ANKRD31: variants seen among roughly 807,000 people sequenced by gnomAD.
ANKRD31 encodes ankyrin repeat domain 31.
ANKRD31 carries 147 observed loss-of-function variants against 186.0 expected under a neutral mutation model. The ratio of observed to expected loss-of-function variants is 0.79; its 90% CI spans 0.69 to 0.91. ANKRD31 has a LOEUF of 0.91. Among genes scored for constraint, ANKRD31 ranks in the 40% least tolerant of loss-of-function variants. ANKRD31 has a pLI of 0.00. For missense variants in ANKRD31, 1,986 were observed against 2,148.8 expected (o/e 0.92, Z 1.50); for synonymous variants, 673 against 736.4 (o/e 0.91, Z 1.39).
In ANKRD31 at chr5:75,080,745, T is replaced by C. The variant is rs965283629; in HGVS notation, c.5576-106A>G. ...ACCGATGGGAAATACAAATAGCTCT[T>C]CCTTGACATTTTAGGAGAGATGATT... On this transcript the variant is annotated intron_variant, in intron 24 of 25. Coordinates refer to ENST00000506364, the MANE Select transcript of ANKRD31 (RefSeq NM_001372053.1). 5 of 601,858 alleles carry C rather than the reference T, an allele frequency of 8.3e-6. No individual in the cohort carries two copies. In the African/African-American group the frequency reaches 9.5e-5, roughly 11 times the overall value. 37.3% of individuals were successfully genotyped at this position (601,858 alleles called of 1,614,324 possible).
At position 75,105,090 on chromosome 5, in the gene ANKRD31, C is replaced by T. The variant is rs2150058695; in HGVS notation, c.4469G>A (p.Arg1490Lys). 6.5e-7 allele frequency: 1 copy of T among 1,536,984 alleles called. No homozygotes were observed. Among genetic ancestry groups the T allele is most frequent in the Non-Finnish European group, 8.7e-7 (1 of 1,146,836 alleles). ...AAGACAAGGCAATGATGTAACATTC[C>T]TACAGTTTTGAATTTTCAGGCTTAT... ...KKISLKIQNC[R>K]NVTSLPCLSL... Residue 1490 changes from arginine (R) to lysine (K), a missense_variant, in exon 22 of 26, where the codon AGG (arginine) becomes AAG (lysine). Physicochemically the swap from Arg to Lys is conservative, Grantham distance 26. Coordinates refer to ENST00000506364, the MANE Select transcript of ANKRD31 (RefSeq NM_001372053.1).
intron 17 of ANKRD31, among the ~76,000 whole-genome samples, chr5:75,130,726 G>A (rs1005817129): frequency 1.3e-5 from 2 of 152,182 alleles, no homozygotes; most frequent in African/African-American, 4.8e-5. Flanking sequence ...TAGCTAGACA[G>A]AAAAGTTCTC....
intron 4 of ANKRD31, 108 bp downstream of exon 4, chr5:75,210,720 C>A (rs1756571131): frequency 7.5e-6 from 6 of 802,394 alleles, no homozygotes; most frequent in Admixed American, 3.8e-5. Flanking sequence ...GGCAATTATT[C>A]AAAAATATAC....
intron 4 of ANKRD31, among the ~76,000 whole-genome samples, chr5:75,210,040 CT>C (rs1756512718): frequency 6.6e-6 from 1 of 152,168 alleles, no homozygotes; most frequent in African/African-American, 2.4e-5. Context: ...TAGTTTTGAC[CT>C]CACAGACCCT....
rs557938562 is a variant in ANKRD31 at position 75,179,319 on chromosome 5, G to A, written c.1564+9174C>T. Among the ~76,000 whole-genome samples, 3 of 152,134 alleles carry A rather than the reference G, an allele frequency of 2.0e-5. No homozygotes were observed. The East Asian group carries it at 5.8e-4, about 29-fold the overall frequency. On this transcript the variant is annotated intron_variant, in intron 10 of 25. Transcript: ENST00000506364. ...CTACCAGAGGTACAAGGAGGAGCTG[G>A]TACCATTCCTTCTGAAACTATTCCA...
intron 17 of ANKRD31, among the ~76,000 whole-genome samples, chr5:75,118,918 A>C (rs1198970017): frequency 6.6e-6 from 1 of 152,130 alleles, no homozygotes; most frequent in Non-Finnish European, 1.5e-5. Flanking sequence ...GAGTTGCTTC[A>C]GGGCTATATT....
At chr5:75,171,044 A>T (rs917148759) in intron 10 of ANKRD31, among the ~76,000 whole-genome samples, 1 of 152,018 alleles carries the variant, frequency 6.6e-6, no homozygotes, top group Non-Finnish European at 1.5e-5. Context: ...GAGGATTTTA[A>T]CATCTCTCTA....
At chr5:75,084,204 G>C in intron 24 of ANKRD31, 68 bp downstream of exon 24, 1 of 1,106,340 alleles carries the variant, frequency 9.0e-7, no homozygotes, top group Middle Eastern at 2.0e-4. Flanking sequence ...AAAATAAAAT[G>C]AGTGCTTTTC....
At chr5:75,189,321 C>G (rs1754945848) in intron 9 of ANKRD31, among the ~76,000 whole-genome samples, 2 of 152,174 alleles carry the variant, frequency 1.3e-5, no homozygotes, top group South Asian at 4.1e-4. Flanking sequence ...TTACATGTTT[C>G]AAATCCTGTC....
At chr5:75,181,006 A>C (rs1754243102) in intron 10 of ANKRD31, among the ~76,000 whole-genome samples, 1 of 148,768 alleles carries the variant, frequency 6.7e-6, no homozygotes, top group African/African-American at 2.5e-5. Context: ...TAATATCCAG[A>C]ATCTACAATG....
chr5:75,180,050 T>A (rs1209839518), intron 10 of ANKRD31, among the ~76,000 whole-genome samples: 4 of 152,122 alleles, frequency 2.6e-5, no homozygotes, highest in African/African-American at 9.7e-5. Flanking sequence ...GGATACAAAA[T>A]CAATGGGCAA....
Position 75,154,186 on chromosome 5 carries a change from G to T in ANKRD31, c.1852+15C>A. ...TGATGTGACAAATAGCTATTACAGG[G>T]CAGTTTAATCTTACCTGATGTAAGG... is the stretch of plus-strand genomic sequence containing the variant. On this transcript the variant is annotated intron_variant, in intron 12 of 25. Transcript: ENST00000506364. 1 of 1,469,352 alleles carries T rather than the reference G, an allele frequency of 6.8e-7. No individual in the cohort carries two copies. Among genetic ancestry groups the T allele is most frequent in the East Asian group, 2.5e-5 (1 of 39,442 alleles). 91.0% of individuals were successfully genotyped at this position (1,469,352 alleles called of 1,614,324 possible). A position where few individuals can be genotyped will look rare whatever the true frequency, so the allele number is the denominator to read the frequency against.
At chr5:75,152,660 T>C (rs1271789700) in intron 12 of ANKRD31, among the ~76,000 whole-genome samples, 1 of 152,014 alleles carries the variant, frequency 6.6e-6, no homozygotes, top group Non-Finnish European at 1.5e-5. Flanking sequence ...ATTTGCTGAA[T>C]GCCTACTACG....
At chr5:75,207,252 A>G (rs1269864313) in intron 4 of ANKRD31, among the ~76,000 whole-genome samples, 2 of 152,198 alleles carry the variant, frequency 1.3e-5, no homozygotes, top group South Asian at 2.1e-4. Context: ...AGTGATCAGT[A>G]TAAGCTGTCT....
In ANKRD31 at chr5:75,116,683, T is replaced by C; in HGVS notation, c.4040-2A>G. On this transcript the variant is annotated splice_acceptor_variant, in intron 18 of 25. Coordinates refer to ENST00000506364, the MANE Select transcript of ANKRD31 (RefSeq NM_001372053.1). LOFTEE classifies it high-confidence loss of function. ...TAGACCGGACAGCAGGAATTTTTTCTTTAAAAAGTAAAATTAGAAAATATA... is the reference window on the plus strand; with the variant it reads ...TAGACCGGACAGCAGGAATTTTTTCCTTAAAAAGTAAAATTAGAAAATATA... The C allele has an allele frequency of 1.4e-6, 2 of 1,389,082 alleles. No individual in the cohort carries two copies. Among genetic ancestry groups the C allele is most frequent in the Non-Finnish European group, 1.9e-6 (2 of 1,062,630 alleles). 86.0% of individuals were successfully genotyped at this position (1,389,082 alleles called of 1,614,324 possible). A position where few individuals can be genotyped will look rare whatever the true frequency, so the allele number is the denominator to read the frequency against.
At chr5:75,179,753 A>G (rs1754130356) in intron 10 of ANKRD31, among the ~76,000 whole-genome samples, 1 of 152,222 alleles carries the variant, frequency 6.6e-6, no homozygotes, top group South Asian at 2.1e-4. Flanking sequence ...AGAGCTATCT[A>G]TGACAAACCC....
chr5:75,181,724 G>A, intron 10 of ANKRD31, among the ~76,000 whole-genome samples: 1 of 132,672 alleles, frequency 7.5e-6, no homozygotes, highest in Non-Finnish European at 1.6e-5. Flanking sequence ...TCACACACTG[G>A]GGACTGTTGT....
Position 75,174,437 on chromosome 5 carries a change from GTGAAC to G in ANKRD31, c.1565-5321_1565-5317del, listed in dbSNP as rs555372514. On this transcript the variant is annotated intron_variant, in intron 10 of 25. Transcript: ENST00000506364. ...AAAGAAACTACCATCAGAGTGAACA[GTGAAC>G]AGGCAACCTACAGAATGGGAGAACA... 3.1e-3 allele frequency among the ~76,000 whole-genome samples: 477 copies of G among 152,316 alleles called. 2 individuals carry two copies. Among genetic ancestry groups the G allele is most frequent in the African/African-American group, 0.011 (453 of 41,568 alleles).
intron 6 of ANKRD31, among the ~76,000 whole-genome samples, chr5:75,197,324 C>T (rs1183177419): frequency 6.6e-6 from 1 of 152,176 alleles, no homozygotes; most frequent in African/African-American, 2.4e-5. Context: ...TTTTCAAACA[C>T]TAAATACTTT....
Sources: allele counts gnomAD v4.1 joint callset (sites outside exome capture counted in the v4.1 genomes callset), GRCh38; gene constraint gnomAD v4.1.1; transcripts MANE v1.5; gene names NCBI Gene and HGNC (gene_info 2026-07-23, HGNC 2026-07-21).